TSPAN1: variants seen among roughly 807,000 people sequenced by gnomAD.
TSPAN1 encodes tetraspanin-1.
In TSPAN1, 23 loss-of-function variants were observed where a neutral mutation model predicts 26.9. The ratio of observed to expected loss-of-function variants is 0.85; its 90% CI spans 0.62 to 1.21. TSPAN1 has a LOEUF of 1.21. Ranked by LOEUF, TSPAN1 falls within the 50% of genes most tolerant of loss-of-function variation. The pLI is 0.00. For missense variants in TSPAN1, 283 were observed against 298.4 expected, an observed-to-expected ratio of 0.95 and a Z score of 0.38; for synonymous variants, 115 against 114.8, an observed-to-expected ratio of 1.00 and a Z score of -0.01.
At position 46,185,923 on chromosome 1, in the gene TSPAN1, A is replaced by G. The variant is rs1657419840; in HGVS notation, c.*390A>G. The G allele has an allele frequency of 8.0e-6, 2 of 251,014 alleles. No individual in the cohort carries two copies. The highest frequency in any genetic ancestry group is 2.2e-5 in the African/African-American group (1 of 44,506). 15.5% of individuals were successfully genotyped at this position (251,014 alleles called of 1,614,324 possible). ...GCAGAGCCTCTGGGTGGATGTGTAG[A>G]AGGCACTTCAAAATGCATAAACCTG... On this transcript the variant is annotated 3_prime_UTR_variant, in exon 9 of 9. Coordinates refer to ENST00000372003, the MANE Select transcript of TSPAN1 (RefSeq NM_005727.4).
At chr1:46,193,850 C>T in the TSPAN1 span, 1 of 1,614,012 alleles carries the variant, frequency 6.2e-7, no homozygotes, top group East Asian at 2.2e-5. Flanking sequence ...CATTCCCAGG[C>T]TTACCTGTAC....
chr1:46,188,993 G>A, downstream of TSPAN1: 2 of 1,602,722 alleles, frequency 1.2e-6, no homozygotes, highest in Non-Finnish European at 1.7e-6. Context: ...GGAAAGTGAG[G>A]GTATTCAAAG....
chr1:46,192,728 CCATT>C, the TSPAN1 span: 1 of 1,595,850 alleles, frequency 6.3e-7, no homozygotes, highest in Non-Finnish European at 8.5e-7. Context: ...CCCACTGTCT[CCATT>C]CATCCACTGT....
At chr1:46,189,842 G>A (rs751152965), downstream of TSPAN1, 1 of 1,613,656 alleles carries the variant, frequency 6.2e-7, no homozygotes, top group Non-Finnish European at 8.5e-7. Flanking sequence ...GGTGGGCATG[G>A]TATTGGAGCA....
At chr1:46,176,022 G>GC (rs1215178663) in intron 1 of TSPAN1, among the ~76,000 whole-genome samples, 1 of 152,164 alleles carries the variant, frequency 6.6e-6, no homozygotes, top group Non-Finnish European at 1.5e-5. Context: ...AAAGGCGTGT[G>GC]CCACCACGCC....
chr1:46,190,454 C>T (rs200158493), downstream of TSPAN1: 82 of 1,572,702 alleles, frequency 5.2e-5, no homozygotes, highest in African/African-American at 9.9e-4. Flanking sequence ...TGCTACACCC[C>T]AATTGTCCTA....
At chr1:46,181,067 C>G in intron 2 of TSPAN1, 33 bp from the exon 3 acceptor site, 2 of 1,608,162 alleles carry the variant, frequency 1.2e-6, no homozygotes, top group Non-Finnish European at 1.7e-6. Flanking sequence ...CCAGGGGAAA[C>G]AAGGCCCTAA....
rs930844303 is a variant in TSPAN1, at chr1:46,176,082, A to T, written c.-142+673A>T. The T allele has an allele frequency of 8.2e-6, 7 of 856,756 alleles. No homozygotes were observed. In the East Asian group the frequency reaches 1.9e-4, roughly 23 times the overall value. The allele number at this position is 856,756 out of a possible 1,614,324, so 53.1% of individuals were successfully genotyped here. A position where few individuals can be genotyped will look rare whatever the true frequency, so the allele number is the denominator to read the frequency against. The stretch of plus-strand genomic sequence containing the variant: ...AGTAGAGATGGGATTTCACCGTGTT[A>T]GCCAGGATGGTCTCGATCTCCTGAC... On this transcript the variant is annotated intron_variant, in intron 1 of 8. Coordinates refer to ENST00000372003, the MANE Select transcript of TSPAN1 (RefSeq NM_005727.4).
the TSPAN1 span, chr1:46,194,751 C>G: frequency 6.2e-7 from 1 of 1,613,834 alleles, no homozygotes; most frequent in South Asian, 1.1e-5. Context: ...CTGCCACTGG[C>G]TCCTATTTGT....
chr1:46,184,504 T>A (rs1419154122), intron 4 of TSPAN1, 90 bp from the exon 5 acceptor site: 6 of 1,603,780 alleles, frequency 3.7e-6, no homozygotes, highest in Non-Finnish European at 5.1e-6. Flanking sequence ...GGCTCAGGCT[T>A]CTGTCTCACT....
chr1:46,193,300 A>C, the TSPAN1 span: 1 of 1,613,870 alleles, frequency 6.2e-7, no homozygotes, highest in Non-Finnish European at 8.5e-7. Flanking sequence ...TTGCCTATGC[A>C]GTACCTGAGA....
At chr1:46,184,056 C>G in intron 3 of TSPAN1, 135 bp from the exon 4 acceptor site, 1 of 911,166 alleles carries the variant, frequency 1.1e-6, no homozygotes, top group Non-Finnish European at 1.7e-6. Flanking sequence ...TGTTTCCCTC[C>G]TTACAGGATG....
At chr1:46,188,813 G>A (rs1657513729), downstream of TSPAN1, 1 of 1,612,888 alleles carries the variant, frequency 6.2e-7, no homozygotes. Context: ...CAGCATGTGG[G>A]CCCCAGCTGG....
chr1:46,194,087 C>G, the TSPAN1 span, among the ~76,000 whole-genome samples: 1 of 152,200 alleles, frequency 6.6e-6, no homozygotes, highest in African/African-American at 2.4e-5. Context: ...CAGCCCAACT[C>G]TAGCGCTGAG....
At chr1:46,194,683 G>T in the TSPAN1 span, 10 of 1,614,154 alleles carry the variant, frequency 6.2e-6, no homozygotes, top group Non-Finnish European at 8.5e-6. Flanking sequence ...GGCCATGGGG[G>T]CCCAGACACC....
the TSPAN1 span, chr1:46,193,538 C>T: frequency 2.5e-6 from 4 of 1,614,034 alleles, no homozygotes; most frequent in South Asian, 2.2e-5. Context: ...GTACTCCACC[C>T]GAGGCACCCC....
At position 46,184,248 on chromosome 1, in the gene TSPAN1, T is replaced by C; in HGVS notation, c.115T>C (p.Phe39Leu). ...GIWVSIDGAS[F>L]LKIFGPLSSS... ...CTGGGTGTCAATCGATGGGGCATCC[T>C]TTCTGAAGATCTTCGGGCCACTGTC... Residue 39 changes from phenylalanine (F) to leucine (L), a missense_variant, in exon 4 of 9, where the codon TTT (phenylalanine) becomes CTT (leucine). Physicochemically the swap from Phe to Leu is conservative, Grantham distance 22. Coordinates refer to ENST00000372003, the MANE Select transcript of TSPAN1 (RefSeq NM_005727.4). 6.2e-7 allele frequency: 1 copy of C among 1,614,232 alleles called. No individual in the cohort carries two copies.
intron 8 of TSPAN1, 58 bp downstream of exon 8, chr1:46,185,366 C>A: frequency 1.2e-6 from 2 of 1,608,978 alleles, no homozygotes; most frequent in Non-Finnish European, 1.7e-6. Flanking sequence ...GCTGCTCAAC[C>A]CATCTGAGGC....
At chr1:46,193,773 C>T in the TSPAN1 span, 1 of 1,600,540 alleles carries the variant, frequency 6.2e-7, no homozygotes, top group Non-Finnish European at 8.5e-7. Context: ...GCCTTTCTGC[C>T]CACCTCAAGA....
Sources: allele counts gnomAD v4.1 joint callset (sites outside exome capture counted in the v4.1 genomes callset), GRCh38; gene constraint gnomAD v4.1.1; transcripts MANE v1.5; gene names NCBI Gene and HGNC (gene_info 2026-07-23, HGNC 2026-07-21).